CD99: variants seen among roughly 807,000 people sequenced by gnomAD.
The protein encoded by CD99 is CD99 molecule (Xg blood group).
CD99 carries 19 observed loss-of-function variants against 28.4 expected under a neutral mutation model. That is an observed-to-expected ratio of 0.67 (90% CI 0.47 to 0.98). The LOEUF (loss-of-function observed/expected upper bound fraction) is 0.98. Among genes scored for constraint, CD99 ranks in the 50% least tolerant of loss-of-function variants. CD99 has a pLI of 0.00. For synonymous variants in CD99, 103 were observed against 92.1 expected, an observed-to-expected ratio of 1.12 and a Z score of -0.67; for missense variants, 283 against 248.8, an observed-to-expected ratio of 1.14 and a Z score of -0.92.
chrX:2,724,086 G>A (rs866497542), intron 7 of CD99, among the ~76,000 whole-genome samples: 1 of 152,022 alleles, frequency 6.6e-6, no homozygotes, highest in Non-Finnish European at 1.5e-5. Flanking sequence ...ATTTTTATGG[G>A]TACAGTTCTT....
chrX:2,704,486 T>G (rs989446387), intron 1 of CD99, among the ~76,000 whole-genome samples: 8 of 152,286 alleles, frequency 5.3e-5, no homozygotes, highest in African/African-American at 1.9e-4. Context: ...CAGGCTAGTG[T>G]GCAGTGGCAC....
intron 8 of CD99, among the ~76,000 whole-genome samples, chrX:2,730,195 C>T (rs916085472): frequency 2.4e-4 from 36 of 146,972 alleles, no homozygotes; most frequent in Non-Finnish European, 4.2e-4. Context: ...TTTTTTGAGA[C>T]GGAGTCTCAC....
chrX:2,698,715 A>G (rs1363783257), intron 1 of CD99, among the ~76,000 whole-genome samples: 1 of 152,090 alleles, frequency 6.6e-6, no homozygotes, highest in African/African-American at 2.4e-5. Flanking sequence ...AGTCCAGGCT[A>G]AAAACACACC....
chrX:2,700,300 C>T (rs1326728539), intron 1 of CD99, among the ~76,000 whole-genome samples: 2 of 152,152 alleles, frequency 1.3e-5, no homozygotes, highest in South Asian at 4.1e-4. Flanking sequence ...GTCACTGAGG[C>T]CTCTCCAGCT....
At chrX:2,706,388 A>C (rs748448139) in intron 1 of CD99, among the ~76,000 whole-genome samples, 1 of 151,942 alleles carries the variant, frequency 6.6e-6, no homozygotes, top group Non-Finnish European at 1.5e-5. Context: ...AAAACAAAAA[A>C]CGCTTTGCCT....
chrX:2,713,009 C>A (rs181472365), intron 1 of CD99, among the ~76,000 whole-genome samples: 5 of 151,826 alleles, frequency 3.3e-5, no homozygotes, highest in African/African-American at 1.2e-4. Flanking sequence ...CACACCCACA[C>A]AGGCACAAAC....
In CD99 at chrX:2,722,669, G is replaced by A; in HGVS notation, c.305G>A (p.Gly102Glu). 1 of 1,613,936 alleles carries A rather than the reference G, an allele frequency of 6.2e-7. No individual in the cohort carries two copies. The highest frequency in any genetic ancestry group is 8.5e-7 in the Non-Finnish European group (1 of 1,179,838). ...GACCTTGCGGATGGCGTTTCAGGTG[G>A]AGAAGGTACAGTTATCTTGTTTTCT... ...DADLADGVSG[G>E]EGKGGSDGGG... Residue 102 changes from glycine (G) to glutamate (E), a missense_variant, in exon 6 of 10, where the codon GGA becomes GAA. Transcript: ENST00000381192.
In CD99 at chrX:2,723,303, TTG is replaced by T. The variant is rs777666653; in HGVS notation, c.311-9_311-8del. 4 of 1,613,798 alleles carry T rather than the reference TTG, an allele frequency of 2.5e-6. No homozygotes were observed. Among genetic ancestry groups the T allele is most frequent in the Non-Finnish European group, 3.4e-6 (4 of 1,179,846 alleles). On this transcript the variant is annotated splice_polypyrimidine_tract_variant and intron_variant, in intron 6 of 9. Coordinates refer to ENST00000381192, the MANE Select transcript of CD99 (RefSeq NM_002414.5). ...AACCTTCCCATTGCAGACGTTGTTT[TTG>T]TCTTGCAGGAAAAGGAGGCAGTGAT...
At chrX:2,706,086 G>T (rs1483623629) in intron 1 of CD99, among the ~76,000 whole-genome samples, 1 of 151,880 alleles carries the variant, frequency 6.6e-6, no homozygotes, top group Non-Finnish European at 1.5e-5. Flanking sequence ...AGAGCCGGGC[G>T]CGGTGGCTCA....
At chrX:2,697,427 A>G (rs2047628165) in intron 1 of CD99, among the ~76,000 whole-genome samples, 1 of 152,204 alleles carries the variant, frequency 6.6e-6, no homozygotes, top group Non-Finnish European at 1.5e-5. Flanking sequence ...AGGAGGCAGC[A>G]GACTGGCCAG....
intron 5 of CD99, among the ~76,000 whole-genome samples, chrX:2,721,003 T>C (rs960827687): frequency 2.0e-5 from 3 of 152,166 alleles, no homozygotes; most frequent in African/African-American, 7.2e-5. Context: ...AATGTAGACT[T>C]GATAAAGAGA....
At chrX:2,704,442 C>CT (rs986485177) in intron 1 of CD99, among the ~76,000 whole-genome samples, 28 of 151,280 alleles carry the variant, frequency 1.9e-4, no homozygotes, top group Admixed American at 5.9e-4. Context: ...TCTTTTCTTT[C>CT]TTTTTTTTTG....
chrX:2,731,024 A>T (rs1164066920), intron 8 of CD99, among the ~76,000 whole-genome samples: 1 of 152,206 alleles, frequency 6.6e-6, no homozygotes, highest in South Asian at 2.1e-4. Flanking sequence ...TTCCAACTGC[A>T]TCCACTCACA....
At position 2,691,309 on chromosome X, in the gene CD99, C is replaced by A. The variant is rs1186470061; in HGVS notation, c.-52C>A. 6.8e-6 allele frequency: 10 copies of A among 1,468,308 alleles called. No individual in the cohort carries two copies. Among genetic ancestry groups the A allele is most frequent in the Non-Finnish European group, 9.0e-6 (10 of 1,106,808 alleles). 91.0% of individuals were successfully genotyped at this position (1,468,308 alleles called of 1,614,324 possible). A position where few individuals can be genotyped will look rare whatever the true frequency, so the allele number is the denominator to read the frequency against. ...CGTGGGGGAGTATCTGTCCTGCCGC[C>A]TTCGCCCACGCCCTGCACTCCGGGA... On this transcript the variant is annotated 5_prime_UTR_variant, in exon 1 of 10. Coordinates refer to ENST00000381192, the MANE Select transcript of CD99 (RefSeq NM_002414.5).
chrX:2,706,064 A>G lies in CD99; in HGVS notation c.68-8358A>G, dbSNP rs1302001965. Among the ~76,000 whole-genome samples the G allele has an allele frequency of 4.7e-4, 6 of 12,678 alleles. No individual in the cohort carries two copies. In the South Asian group the frequency reaches 8.4e-3, roughly 18 times the overall value. The allele number at this position is 12,678 out of a possible 152,430, so 8.3% of individuals were successfully genotyped here. A position where few individuals can be genotyped will look rare whatever the true frequency, so the allele number is the denominator to read the frequency against. ...ACTCGACCTCCAAAACGTTAAAAAG[A>G]AAAAAAAAAAAAGAGCCGGGCGCGG... is the stretch of plus-strand genomic sequence containing the variant. On this transcript the variant is annotated intron_variant, in intron 1 of 9. Coordinates refer to ENST00000381192, the MANE Select transcript of CD99 (RefSeq NM_002414.5).
intron 7 of CD99, among the ~76,000 whole-genome samples, chrX:2,724,120 G>C (rs1440066275): frequency 6.6e-6 from 1 of 152,082 alleles, no homozygotes. Context: ...TCTTTGAAGA[G>C]GTAGTAATCT....
At chrX:2,723,552 G>T in intron 7 of CD99, 188 bp downstream of exon 7, 1 of 669,004 alleles carries the variant, frequency 1.5e-6, no homozygotes, top group Non-Finnish European at 2.7e-6. Context: ...AACCAGCCCT[G>T]CTCCGGGTGC....
chrX:2,734,339 C>G (rs2049825520), intron 8 of CD99, among the ~76,000 whole-genome samples: 1 of 151,146 alleles, frequency 6.6e-6, no homozygotes, highest in Non-Finnish European at 1.5e-5. Flanking sequence ...TGGAGTCTCA[C>G]TCTGTTGCCC....
chrX:2,739,460 T>A (rs73188890), intron 9 of CD99, among the ~76,000 whole-genome samples: 7,788 of 152,084 alleles, frequency 0.051, 227 homozygotes, highest in African/African-American at 0.059. Flanking sequence ...TTAATTTTTT[T>A]TCTTTTTGAG....
Sources: gnomAD v4.1 joint callset for allele counts (sites outside exome capture counted in the v4.1 genomes callset) on GRCh38, gnomAD v4.1.1 for gene constraint, MANE v1.5 for transcripts, NCBI Gene and HGNC (gene_info 2026-07-23, HGNC 2026-07-21) for gene names.